TSG101: variants seen among roughly 807,000 people sequenced by gnomAD.
The protein encoded by TSG101 is tumor susceptibility gene 101 protein.
Under a neutral mutation model 48.5 loss-of-function variants are expected in TSG101, and 19 were observed. The observed-to-expected ratio is 0.39, with a 90% confidence interval of 0.27 to 0.58. The LOEUF is 0.58. Ranked by LOEUF, TSG101 falls within the 20% of genes least tolerant of loss-of-function variation. The pLI is 0.55. For missense variants in TSG101, 365 were observed against 484.4 expected, an observed-to-expected ratio of 0.75 and a Z score of 2.31; for synonymous variants, 174 against 169.4, an observed-to-expected ratio of 1.03 and a Z score of -0.21.
At chr11:18,499,402 A>ATATATATATATATATATATATATAT in intron 7 of TSG101, among the ~76,000 whole-genome samples, 1 of 5,456 alleles carries the variant, frequency 1.8e-4, no homozygotes, top group African/African-American at 5.0e-4. Flanking sequence ...ATATATATAT[A>ATATATATATATATATATATATATAT]TTTTTTTTTT....
At chr11:18,483,827 A>G in intron 8 of TSG101, 43 bp downstream of exon 8, 2 of 1,604,648 alleles carry the variant, frequency 1.2e-6, no homozygotes, top group Non-Finnish European at 1.7e-6. Flanking sequence ...TGCCATGGCT[A>G]CAATTCAATC....
At chr11:18,512,830 C>T (rs1287628952) in intron 4 of TSG101, among the ~76,000 whole-genome samples, 12 of 149,912 alleles carry the variant, frequency 8.0e-5, no homozygotes, top group African/African-American at 2.5e-4. Flanking sequence ...CAGGTTCAAG[C>T]GATTCTCCTG....
intron 7 of TSG101, among the ~76,000 whole-genome samples, chr11:18,491,338 C>A (rs1164558702): frequency 6.6e-6 from 1 of 152,164 alleles, no homozygotes; most frequent in Non-Finnish European, 1.5e-5. Context: ...AGCTCAACCT[C>A]TGGAGGAGCT....
At chr11:18,498,527 T>C (rs1849819860) in intron 7 of TSG101, among the ~76,000 whole-genome samples, 2 of 152,134 alleles carry the variant, frequency 1.3e-5, no homozygotes, top group South Asian at 4.1e-4. Flanking sequence ...CAAGGATGAC[T>C]CCAAAGAGTA....
chr11:18,519,620 C>T lies in TSG101; in HGVS notation c.43-17G>A. 1.3e-6 allele frequency: 2 copies of T among 1,579,334 alleles called. No individual in the cohort carries two copies. Among genetic ancestry groups the T allele is most frequent in the South Asian group, 1.1e-5 (1 of 87,492 alleles). On this transcript the variant is annotated splice_polypyrimidine_tract_variant and intron_variant, in intron 1 of 9. Transcript: ENST00000251968. Reference sequence around the variant, plus strand: ...GTATTTGTACTGAAAAGCAAAATCGCATAAGAATTTAGTTTAAAACCAATG... The same window carrying T: ...GTATTTGTACTGAAAAGCAAAATCGTATAAGAATTTAGTTTAAAACCAATG...
intron 3 of TSG101, among the ~76,000 whole-genome samples, chr11:18,515,303 C>G (rs762942545): frequency 9.2e-5 from 14 of 152,178 alleles, no homozygotes; most frequent in Non-Finnish European, 1.8e-4. Flanking sequence ...CTTTATTCAT[C>G]TTTGTAGCCA....
chr11:18,493,912 G>A (rs1156684356), intron 7 of TSG101, among the ~76,000 whole-genome samples: 2 of 152,044 alleles, frequency 1.3e-5, no homozygotes. Flanking sequence ...TGCAGGCTAT[G>A]GAGCTTTTCT....
chr11:18,490,233 T>C, intron 7 of TSG101: 1 of 512,774 alleles, frequency 2.0e-6, no homozygotes. Context: ...ACAAGAAACA[T>C]TACTTCTCTC....
At chr11:18,491,378 C>T (rs1849699247) in intron 7 of TSG101, among the ~76,000 whole-genome samples, 1 of 152,156 alleles carries the variant, frequency 6.6e-6, no homozygotes, top group Admixed American at 6.5e-5. Context: ...CACAGGCAGT[C>T]AATGGTGTCT....
chr11:18,507,253 G>A (rs529238673), intron 5 of TSG101, among the ~76,000 whole-genome samples: 43 of 152,244 alleles, frequency 2.8e-4, no homozygotes, highest in Non-Finnish European at 5.3e-4. Context: ...TTCGGTCCAA[G>A]GTTAACTTCT....
At chr11:18,526,540 C>T (rs940337519) in intron 1 of TSG101, among the ~76,000 whole-genome samples, 3 of 152,278 alleles carry the variant, frequency 2.0e-5, no homozygotes, top group African/African-American at 7.2e-5. Flanking sequence ...GTCAGGTAGC[C>T]TCCGCTCCAC....
Position 18,514,779 on chromosome 11 carries a change from T to C in TSG101, c.256A>G (p.Ile86Val), listed in dbSNP as rs1565093625. The C allele has an allele frequency of 2.5e-6, 4 of 1,598,628 alleles. No homozygotes were observed. In the East Asian group the frequency reaches 6.8e-5, roughly 27 times the overall value. Reference protein sequence around the residue: ...LLDTYPYNPPICFVKPTSSMT... With the variant: ...LLDTYPYNPPVCFVKPTSSMT... ...GAACTAGTAGGCTTAACAAAACAGA[T>C]AGGGGGATTATATGGGTATGTGTCC... is the stretch of plus-strand genomic sequence containing the variant. The change falls in exon 4 of 10, where the codon ATC (isoleucine) becomes GTC (valine). Residue 86 changes from isoleucine to valine, a missense_variant. Physicochemically the swap from Ile to Val is conservative, Grantham distance 29. Transcript: ENST00000251968.
intron 7 of TSG101, among the ~76,000 whole-genome samples, chr11:18,500,101 TTG>T (rs1420581329): frequency 1.3e-5 from 2 of 152,202 alleles, no homozygotes; most frequent in African/African-American, 4.8e-5. Flanking sequence ...CATTTGATAT[TTG>T]TCTTTCTGCG....
intron 1 of TSG101, among the ~76,000 whole-genome samples, chr11:18,525,097 C>T (rs9633899): frequency 0.16 from 24,631 of 151,424 alleles, 2,606 homozygotes; most frequent in East Asian, 0.41. Context: ...TTTTAGGAGA[C>T]GGGGTTTCAC....
intron 3 of TSG101, 74 bp downstream of exon 3, chr11:18,516,025 G>A (rs529736446): frequency 1.6e-5 from 21 of 1,354,466 alleles, no homozygotes; most frequent in Middle Eastern, 2.2e-4. Flanking sequence ...GTTTAATTTG[G>A]TTATAACTCT....
At chr11:18,515,465 A>G (rs1406596503) in intron 3 of TSG101, among the ~76,000 whole-genome samples, 3 of 152,204 alleles carry the variant, frequency 2.0e-5, no homozygotes, top group Admixed American at 6.5e-5. Context: ...CTTCCTCACC[A>G]CTAAATATTT....
chr11:18,506,481 A>G (rs1849974981), intron 6 of TSG101, among the ~76,000 whole-genome samples: 1 of 151,960 alleles, frequency 6.6e-6, no homozygotes, highest in Non-Finnish European at 1.5e-5. Context: ...TCACAAGGTC[A>G]GGAGTTTGAG....
At position 18,484,157 on chromosome 11, in the gene TSG101, A is replaced by G. The variant is rs1016752662; in HGVS notation, c.641-85T>C. ...ACAGGAACCTTCAGAAAAGGGGGCA[A>G]TATGAACCGACACTTTCAAAATGTG... On this transcript the variant is annotated intron_variant, in intron 7 of 9. Transcript: ENST00000251968. 9 of 1,330,832 alleles carry G rather than the reference A, an allele frequency of 6.8e-6. No homozygotes were observed. The African/African-American group carries it at 7.3e-5, about 11-fold the overall frequency. The allele number at this position is 1,330,832 out of a possible 1,614,324, so 82.4% of individuals were successfully genotyped here. A position where few individuals can be genotyped will look rare whatever the true frequency, so the allele number is the denominator to read the frequency against.
In TSG101 at chr11:18,509,671, A is replaced by G. The variant is rs766102615; in HGVS notation, c.358-6T>C. 53 of 1,575,464 alleles carry G rather than the reference A, an allele frequency of 3.4e-5. No individual in the cohort carries two copies. The highest frequency in any genetic ancestry group is 6.7e-5 in the East Asian group (3 of 44,602). On this transcript the variant is annotated splice_polypyrimidine_tract_variant and splice_region_variant and intron_variant, in intron 4 of 9. Coordinates refer to ENST00000251968, the MANE Select transcript of TSG101 (RefSeq NM_006292.4). ...CCCAACAAGTCTGACTGTGGCTACA[A>G]AATGAAAAAAAATTCAAGTCAGCTA...
Sources: gnomAD v4.1 joint callset for allele counts (sites outside exome capture counted in the v4.1 genomes callset) on GRCh38, gnomAD v4.1.1 for gene constraint, MANE v1.5 for transcripts, NCBI Gene and HGNC (gene_info 2026-07-23, HGNC 2026-07-21) for gene names.